Variants in SHLD1 observed in about 807,000 individuals in gnomAD.
SHLD1 encodes shieldin complex subunit 1.
A neutral mutation model predicts 5.5 loss-of-function variants in SHLD1; 3 were observed. The observed-to-expected ratio is 0.54, with a 90% CI of 0.25 to 1.40. SHLD1 has a LOEUF of 1.40. SHLD1 is among the 40% of genes most tolerant of loss of function. The pLI, the probability that SHLD1 is intolerant of heterozygous loss-of-function variation, is 0.15. For synonymous variants in SHLD1, 92 were observed against 94.3 expected, an observed-to-expected ratio of 0.98 and a Z score of 0.14; for missense variants, 210 against 244.4, an observed-to-expected ratio of 0.86 and a Z score of 0.94.
At chr20:5,799,267 T>TTC (rs150333475) in intron 2 of SHLD1, among the ~76,000 whole-genome samples, 2 of 149,180 alleles carry the variant, frequency 1.3e-5, no homozygotes, top group Non-Finnish European at 3.0e-5. Context: ...CCCTCCCCTA[T>TTC]TCTCTCTCTC....
At chr20:5,760,414 C>T (rs1984390481) in intron 1 of SHLD1, among the ~76,000 whole-genome samples, 1 of 151,950 alleles carries the variant, frequency 6.6e-6, no homozygotes, top group Non-Finnish European at 1.5e-5. Context: ...AAGATGAGGC[C>T]GGGCTTGGTG....
intron 2 of SHLD1, among the ~76,000 whole-genome samples, chr20:5,832,055 C>T (rs924468697): frequency 6.6e-6 from 1 of 152,242 alleles, no homozygotes; most frequent in Non-Finnish European, 1.5e-5. Flanking sequence ...ATCCTCCCAC[C>T]TCAGCCTCGC....
chr20:5,762,387 C>T (rs908809307), intron 1 of SHLD1, among the ~76,000 whole-genome samples: 3 of 152,138 alleles, frequency 2.0e-5, no homozygotes, highest in Non-Finnish European at 4.4e-5. Flanking sequence ...CACTTCTAAA[C>T]TCACCCTAGC....
chr20:5,842,652 A>G (rs2122471694), intron 2 of SHLD1, among the ~76,000 whole-genome samples: 1 of 152,086 alleles, frequency 6.6e-6, no homozygotes, highest in Admixed American at 6.5e-5. Context: ...GGACCATCTC[A>G]CTTTGACTTC....
chr20:5,796,548 C>T lies in SHLD1; in HGVS notation c.178+23505C>T, dbSNP rs531080448. ...GAGTTAGAAAGGGGGGAGATGAGGC[C>T]GGGCGCAGTGGCTCATGCCTGTAAT... is the stretch of plus-strand genomic sequence containing the variant. On this transcript the variant is annotated intron_variant, in intron 2 of 2. Transcript: ENST00000303142. Among the ~76,000 whole-genome samples, 15 of 151,956 alleles carry T rather than the reference C, an allele frequency of 9.9e-5. 2 individuals carry two copies. The South Asian group carries it at 2.5e-3, about 25-fold the overall frequency.
At chr20:5,803,740 C>T (rs2087332837) in intron 2 of SHLD1, among the ~76,000 whole-genome samples, 1 of 151,858 alleles carries the variant, frequency 6.6e-6, no homozygotes, top group African/African-American at 2.4e-5. Context: ...GGCGTGGTGG[C>T]ACACACCTGT....
intron 2 of SHLD1, among the ~76,000 whole-genome samples, chr20:5,801,328 C>T (rs6038291): frequency 1.3e-5 from 2 of 151,864 alleles, no homozygotes; most frequent in African/African-American, 4.8e-5. Context: ...CACCCACTTC[C>T]GCCTCCCAAA....
intron 2 of SHLD1, among the ~76,000 whole-genome samples, chr20:5,859,223 C>T (rs559466847): frequency 2.5e-4 from 38 of 152,216 alleles, no homozygotes; most frequent in Admixed American, 1.4e-3. Context: ...TACAGTGCAG[C>T]GGGAGTCAAC....
At position 5,824,662 on chromosome 20, in the gene SHLD1, C is replaced by T. The variant is rs73596840; in HGVS notation, c.179-38362C>T. Among the ~76,000 whole-genome samples the T allele has an allele frequency of 6.6e-3, 992 of 149,338 alleles. 6 individuals carry two copies. Among genetic ancestry groups the T allele is most frequent in the African/African-American group, 0.024 (961 of 40,404 alleles). On this transcript the variant is annotated intron_variant, in intron 2 of 2. Transcript: ENST00000303142. ...TTTTTGGGACAAACCTGGCTCCCAACCTCAACTTCAGGAGATGAAGGTTGC... is the reference window on the plus strand; with the variant it reads ...TTTTTGGGACAAACCTGGCTCCCAATCTCAACTTCAGGAGATGAAGGTTGC...
intron 2 of SHLD1, among the ~76,000 whole-genome samples, chr20:5,835,136 A>G (rs2087774899): frequency 6.6e-6 from 1 of 152,132 alleles, no homozygotes. Flanking sequence ...TATTCTGCAG[A>G]CACAGTTTGG....
At chr20:5,822,355 A>C (rs1378003501) in intron 2 of SHLD1, among the ~76,000 whole-genome samples, 1 of 152,128 alleles carries the variant, frequency 6.6e-6, no homozygotes, top group African/African-American at 2.4e-5. Context: ...GCTACTTGGG[A>C]GGCTGAGGCA....
At chr20:5,755,229 G>A (rs1984005390) in intron 1 of SHLD1, among the ~76,000 whole-genome samples, 1 of 152,088 alleles carries the variant, frequency 6.6e-6, no homozygotes, top group South Asian at 2.1e-4. Context: ...CTAAGGCAGG[G>A]ATCCTCAATC....
At chr20:5,833,817 G>A (rs1182017865) in intron 2 of SHLD1, among the ~76,000 whole-genome samples, 1 of 152,048 alleles carries the variant, frequency 6.6e-6, no homozygotes, top group Non-Finnish European at 1.5e-5. Flanking sequence ...GAGGGGGCAG[G>A]TGAGGGGCGG....
At chr20:5,785,760 C>T (rs2087051066) in intron 2 of SHLD1, among the ~76,000 whole-genome samples, 1 of 146,340 alleles carries the variant, frequency 6.8e-6, no homozygotes, top group South Asian at 2.2e-4. Flanking sequence ...TGTGCCACTG[C>T]ACTCCAGCCT....
intron 2 of SHLD1, among the ~76,000 whole-genome samples, chr20:5,860,715 CCTGCTGCTTCTATGCCAT>C (rs1263233682): frequency 6.6e-6 from 1 of 151,974 alleles, no homozygotes; most frequent in Non-Finnish European, 1.5e-5. Flanking sequence ...GAACTCCTCT[CCTGCTGCTTCTATGCCAT>C]CAGAACAAGA....
chr20:5,832,848 T>G (rs1032570362), intron 2 of SHLD1, among the ~76,000 whole-genome samples: 5 of 143,674 alleles, frequency 3.5e-5, no homozygotes, highest in Non-Finnish European at 7.7e-5. Context: ...AATAAATAAA[T>G]GGGGAAAAAA....
chr20:5,826,051 G>C (rs886957799), intron 2 of SHLD1, among the ~76,000 whole-genome samples: 1 of 152,198 alleles, frequency 6.6e-6, no homozygotes, highest in Admixed American at 6.5e-5. Flanking sequence ...TACTGTATGA[G>C]TGGTGGGAGG....
At chr20:5,790,795 A>G (rs2087127714) in intron 2 of SHLD1, among the ~76,000 whole-genome samples, 1 of 152,150 alleles carries the variant, frequency 6.6e-6, no homozygotes, top group Admixed American at 6.5e-5. Flanking sequence ...TCTAAATGTA[A>G]TAGACAAAAT....
intron 2 of SHLD1, among the ~76,000 whole-genome samples, chr20:5,791,961 T>C (rs1054406832): frequency 6.6e-6 from 1 of 152,216 alleles, no homozygotes; most frequent in African/African-American, 2.4e-5. Context: ...TTGGTAACGT[T>C]GAACATATTT....
Sources: gnomAD v4.1 joint callset for allele counts (sites outside exome capture counted in the v4.1 genomes callset) on GRCh38, gnomAD v4.1.1 for gene constraint, MANE v1.5 for transcripts, NCBI Gene and HGNC (gene_info 2026-07-23, HGNC 2026-07-21) for gene names.